Variants in PTCHD4 observed in about 807,000 individuals in gnomAD.
PTCHD4 encodes the protein patched domain containing 4, also known as patched domain-containing protein 4.
PTCHD4 carries 33 observed loss-of-function variants against 58.1 expected under a neutral mutation model. The observed-to-expected ratio is 0.57, with a 90% CI of 0.43 to 0.76. PTCHD4 has a LOEUF of 0.76. Ranked by LOEUF, PTCHD4 falls within the 30% of genes least tolerant of loss-of-function variation. The probability of loss-of-function intolerance (pLI) is 0.00; values close to 1 mark genes in which losing one functional copy is unlikely to be tolerated. For missense variants in PTCHD4, 1,058 were observed against 1,027.1 expected, an observed-to-expected ratio of 1.03 and a Z score of -0.41; for synonymous variants, 478 against 409.6, an observed-to-expected ratio of 1.17 and a Z score of -2.02.
intron 1 of PTCHD4, among the ~76,000 whole-genome samples, chr6:48,081,146 C>G (rs998091140): frequency 6.6e-6 from 1 of 152,132 alleles, no homozygotes; most frequent in South Asian, 2.1e-4. Context: ...AAAACCCTAC[C>G]TATGAAGGTA....
intron 1 of PTCHD4, among the ~76,000 whole-genome samples, chr6:48,085,379 C>T (rs1457714773): frequency 6.6e-6 from 1 of 152,070 alleles, no homozygotes; most frequent in Admixed American, 6.5e-5. Context: ...TTTTTTAGAA[C>T]ATTCTCACAT....
intron 4 of PTCHD4, among the ~76,000 whole-genome samples, chr6:47,888,947 G>A (rs566371250): frequency 2.1e-3 from 159 of 76,370 alleles, no homozygotes; most frequent in African/African-American, 7.8e-3. Context: ...TGAGAATGAT[G>A]ATTTCCAATT....
rs566467725 is a variant in PTCHD4, at chr6:47,927,028, G to T, written c.899-47092C>A. Among the ~76,000 whole-genome samples, 4 of 152,304 alleles carry T rather than the reference G, an allele frequency of 2.6e-5. No individual in the cohort carries two copies. In the South Asian group the frequency reaches 8.3e-4, roughly 32 times the overall value. On this transcript the variant is annotated intron_variant, in intron 4 of 4. Coordinates refer to ENST00000339488, the MANE Select transcript of PTCHD4 (RefSeq NM_001384253.1). ...CCAGTGAGCTACCTAGGACTGGAGA[G>T]CCCTTTGCCTCCAGGGAAGAGGCTG...
intron 3 of PTCHD4, among the ~76,000 whole-genome samples, chr6:48,041,014 G>C (rs149138390): frequency 0.011 from 1,693 of 152,156 alleles, 35 homozygotes; most frequent in African/African-American, 0.037. Context: ...AATGATTACG[G>C]CAGTTCCATT....
intron 4 of PTCHD4, among the ~76,000 whole-genome samples, chr6:47,932,664 C>A (rs1343797534): frequency 6.6e-6 from 1 of 151,844 alleles, no homozygotes; most frequent in Non-Finnish European, 1.5e-5. Flanking sequence ...GTAAAGCTAC[C>A]GAAAAACACA....
At chr6:47,918,033 G>A (rs753080948) in intron 4 of PTCHD4, among the ~76,000 whole-genome samples, 1 of 152,038 alleles carries the variant, frequency 6.6e-6, no homozygotes, top group Non-Finnish European at 1.5e-5. Context: ...AATCAGCAGA[G>A]GAAACAGCTT....
At chr6:48,074,474 A>G (rs1765026233) in intron 1 of PTCHD4, among the ~76,000 whole-genome samples, 1 of 152,184 alleles carries the variant, frequency 6.6e-6, no homozygotes, top group Admixed American at 6.6e-5. Context: ...GTAAGAGTGA[A>G]GAAGCTTTTC....
Position 47,878,074 on chromosome 6 carries a change from C to T in PTCHD4, c.*229G>A. The stretch of plus-strand genomic sequence containing the variant: ...CCTTGGAAGAGCTCTCAGATTACAT[C>T]CAGAAACTTGTTTTTAGAGGAGAAC... On this transcript the variant is annotated 3_prime_UTR_variant, in exon 5 of 5. Transcript: ENST00000339488. 2.4e-6 allele frequency: 1 copy of T among 415,186 alleles called. No homozygotes were observed. Among genetic ancestry groups the T allele is most frequent in the Non-Finnish European group, 4.3e-6 (1 of 234,438 alleles). The allele number at this position is 415,186 out of a possible 1,614,324, so 25.7% of individuals were successfully genotyped here.
chr6:47,904,972 T>C (rs145325982), intron 4 of PTCHD4, among the ~76,000 whole-genome samples: 1 of 150,510 alleles, frequency 6.6e-6, no homozygotes, highest in East Asian at 2.0e-4. Context: ...AAGAATTTCA[T>C]GCACAAGAAA....
chr6:48,023,879 G>T (rs1301739999), intron 3 of PTCHD4, among the ~76,000 whole-genome samples: 1 of 152,090 alleles, frequency 6.6e-6, no homozygotes, highest in Non-Finnish European at 1.5e-5. Flanking sequence ...CATGCTAGGG[G>T]TCATATGACC....
At chr6:47,925,321 T>C (rs1489644445) in intron 4 of PTCHD4, among the ~76,000 whole-genome samples, 4 of 152,070 alleles carry the variant, frequency 2.6e-5, no homozygotes, top group African/African-American at 9.7e-5. Context: ...GAAAAATGTC[T>C]GGGACAAAGA....
chr6:48,056,440 G>T (rs941781065), intron 3 of PTCHD4, among the ~76,000 whole-genome samples: 1 of 152,170 alleles, frequency 6.6e-6, no homozygotes, highest in African/African-American at 2.4e-5. Context: ...ACTAATATGT[G>T]CCTGTCATTT....
chr6:48,068,461 C>T lies in PTCHD4; in HGVS notation c.186G>A (p.Gln62=). The change falls in exon 3 of 5, where the codon CAG becomes CAA. Residue 62 remains glutamine, a synonymous_variant. Transcript: ENST00000339488. This position sits in a 1 kb window ranked among gnomAD's most constrained non-coding sequence, Gnocchi z 4.2. ...TFGLSALNRF[Q]PEGDLERLVA... is the part of the protein sequence containing the mutation. ...CCAGGCGCTCCAGGTCGCCCTCGGG[C>T]TGGAAGCGGTTGAGCGCGCTGAGGC... 4 of 1,613,728 alleles carry T rather than the reference C, an allele frequency of 2.5e-6. No individual in the cohort carries two copies. The highest frequency in any genetic ancestry group is 3.4e-6 in the Non-Finnish European group (4 of 1,179,838).
At chr6:48,042,523 C>G (rs1220704359) in intron 3 of PTCHD4, among the ~76,000 whole-genome samples, 1 of 151,864 alleles carries the variant, frequency 6.6e-6, no homozygotes, top group African/African-American at 2.4e-5. Context: ...GTCCCCTGCT[C>G]CCAATAAAAT....
At chr6:48,081,264 AG>A in intron 1 of PTCHD4, among the ~76,000 whole-genome samples, 1 of 152,350 alleles carries the variant, frequency 6.6e-6, no homozygotes, top group East Asian at 1.9e-4. Flanking sequence ...AAAAGCGGGC[AG>A]CATACCTCCT....
At chr6:48,036,000 T>C (rs184423131) in intron 3 of PTCHD4, among the ~76,000 whole-genome samples, 1 of 152,198 alleles carries the variant, frequency 6.6e-6, no homozygotes, top group Admixed American at 6.6e-5. Context: ...CTGCCTTACA[T>C]TCTTTAATGG....
chr6:48,015,541 G>C (rs553273625), intron 3 of PTCHD4, among the ~76,000 whole-genome samples: 1 of 151,722 alleles, frequency 6.6e-6, no homozygotes, highest in African/African-American at 2.4e-5. Context: ...TATGATCATT[G>C]CATCAGCTGT....
intron 3 of PTCHD4, among the ~76,000 whole-genome samples, chr6:48,050,974 A>G (rs983548629): frequency 1.3e-5 from 2 of 152,056 alleles, no homozygotes; most frequent in Non-Finnish European, 2.9e-5. Flanking sequence ...AATCCTTAAG[A>G]AAAAAGAGAA....
chr6:48,037,970 G>T (rs1001421589), intron 3 of PTCHD4, among the ~76,000 whole-genome samples: 37 of 148,506 alleles, frequency 2.5e-4, no homozygotes, highest in Non-Finnish European at 4.0e-4. Context: ...GTTTATCTTT[G>T]TTCAGATAAA....
Sources: allele counts gnomAD v4.1 joint callset (sites outside exome capture counted in the v4.1 genomes callset), GRCh38; gene constraint gnomAD v4.1.1; non-coding constraint Gnocchi (gnomAD v3.1); transcripts MANE v1.5; gene names NCBI Gene and HGNC (gene_info 2026-07-23, HGNC 2026-07-21).